Variants in VPS16 observed in about 807,000 individuals in gnomAD.
VPS16 encodes the protein vacuolar protein sorting-associated protein 16 homolog.
VPS16 carries 82 observed loss-of-function variants against 116.0 expected under a neutral mutation model. The observed-to-expected ratio is 0.71, with a 90% confidence interval of 0.59 to 0.85. VPS16 has a LOEUF of 0.85. VPS16 is among the 40% of genes least tolerant of loss of function. The probability of loss-of-function intolerance (pLI) is 0.00; values close to 1 mark genes in which losing one functional copy is unlikely to be tolerated. For missense variants in VPS16, 928 were observed against 1,090.6 expected (o/e 0.85, Z 2.10); for synonymous variants, 406 against 420.7 (o/e 0.96, Z 0.43).
At position 2,840,768 on chromosome 20, in the gene VPS16, A is replaced by G. The variant is rs765728758; in HGVS notation, c.-7A>G. 6 of 1,547,826 alleles carry G rather than the reference A, an allele frequency of 3.9e-6. No homozygotes were observed. Among genetic ancestry groups the G allele is most frequent in the Admixed American group, 2.0e-5 (1 of 50,964 alleles). On this transcript the variant is annotated 5_prime_UTR_variant, in exon 1 of 24. Transcript: ENST00000380445. ...TCGGTGCTTCCCAGCTGCCGTCTGC[A>G]CCAGCCATGGACTGCTACACGGCGA...
In VPS16 at chr20:2,863,260, C is replaced by T. The variant is rs780767036; in HGVS notation, c.1368-30C>T. The T allele has an allele frequency of 6.2e-7, 1 of 1,613,766 alleles. No homozygotes were observed. Among genetic ancestry groups the T allele is most frequent in the South Asian group, 1.1e-5 (1 of 91,070 alleles). On this transcript the variant is annotated intron_variant, in intron 14 of 23. Coordinates refer to ENST00000380445, the MANE Select transcript of VPS16 (RefSeq NM_022575.4). The surrounding 1 kb of genome is among the most constrained non-coding windows in gnomAD (Gnocchi z 4.4). ...GCTCCCTTTCTCCTCCACCTCACTC[C>T]TTGTATCCTTTACCCACCGGGTCTA...
In VPS16 at chr20:2,865,950, G is replaced by T; in HGVS notation, c.2272-262G>T. On this transcript the variant is annotated intron_variant, in intron 22 of 23. Coordinates refer to ENST00000380445, the MANE Select transcript of VPS16 (RefSeq NM_022575.4). This position sits in a 1 kb window ranked among gnomAD's most constrained non-coding sequence, Gnocchi z 5.2. The stretch of plus-strand genomic sequence containing the variant: ...CTGGTGGCAGGAACGCCTGTTGCAA[G>T]GGGTAATGGTGGGTGGTAGAGCAGA... 1 of 524,530 alleles carries T rather than the reference G, an allele frequency of 1.9e-6. No homozygotes were observed. The highest frequency in any genetic ancestry group is 3.4e-6 in the Non-Finnish European group (1 of 291,606). 32.5% of individuals were successfully genotyped at this position (524,530 alleles called of 1,614,324 possible).
rs1328473697 is a variant in VPS16, at chr20:2,860,023, C to G, written c.143-31C>G. 2.5e-6 allele frequency: 4 copies of G among 1,613,012 alleles called. No homozygotes were observed. The highest frequency in any genetic ancestry group is 3.4e-6 in the Non-Finnish European group (4 of 1,179,504). On this transcript the variant is annotated intron_variant, in intron 2 of 23. Transcript: ENST00000380445. The surrounding 1 kb of genome is among the most constrained non-coding windows in gnomAD (Gnocchi z 6.1). Reference sequence around the variant, plus strand: ...CTTCACATGGGGTGGGCCTAGGGAGCTAGGACAGAAGGTCTCTTCTCAAAC... The same window carrying G: ...CTTCACATGGGGTGGGCCTAGGGAGGTAGGACAGAAGGTCTCTTCTCAAAC...
chr20:2,849,374 C>T (rs1166568267), intron 1 of VPS16, among the ~76,000 whole-genome samples: 2 of 148,532 alleles, frequency 1.3e-5, no homozygotes, highest in African/African-American at 5.0e-5. Flanking sequence ...GATTTTGGCT[C>T]ACTGCAACCT....
chr20:2,854,908 T>A (rs1403071929), intron 1 of VPS16, among the ~76,000 whole-genome samples: 1 of 105,010 alleles, frequency 9.5e-6, no homozygotes, highest in African/African-American at 6.5e-5. Flanking sequence ...AATCTCCTTG[T>A]ACATCTCCAT....
At chr20:2,848,798 A>G (rs1412288090) in intron 1 of VPS16, among the ~76,000 whole-genome samples, 1 of 152,178 alleles carries the variant, frequency 6.6e-6, no homozygotes, top group Non-Finnish European at 1.5e-5. Flanking sequence ...GTGCTGGAAA[A>G]CACATTGCAG....
Position 2,866,412 on chromosome 20 carries a change from C to T in VPS16, c.2376-18C>T. ...TTGAGCAGCCCCAACACCACCTCCT[C>T]TCTTGCTCAAACCACAGCGATGTGG... On this transcript the variant is annotated intron_variant, in intron 23 of 23. Transcript: ENST00000380445. The T allele has an allele frequency of 1.2e-6, 2 of 1,614,186 alleles. No homozygotes were observed. Among genetic ancestry groups the T allele is most frequent in the Non-Finnish European group, 1.7e-6 (2 of 1,180,016 alleles).
Position 2,855,504 on chromosome 20 carries a change from GA to G in VPS16, c.54-4214del, listed in dbSNP as rs1476239270. The stretch of plus-strand genomic sequence containing the variant: ...CACTAGCTGCATTAGGCCCCAACAA[GA>G]GTGTCAGCCCTGTCCTTACACGCTT... On this transcript the variant is annotated intron_variant, in intron 1 of 23. Coordinates refer to ENST00000380445, the MANE Select transcript of VPS16 (RefSeq NM_022575.4). Among the ~76,000 whole-genome samples the G allele has an allele frequency of 6.7e-4, 28 of 42,102 alleles. No individual in the cohort carries two copies. The African/African-American group carries it at 0.014, about 21-fold the overall frequency. The allele number at this position is 42,102 out of a possible 152,430, so 27.6% of individuals were successfully genotyped here. A position where few individuals can be genotyped will look rare whatever the true frequency, so the allele number is the denominator to read the frequency against.
Position 2,840,754 on chromosome 20 carries a change from C to T in VPS16, c.-21C>T, listed in dbSNP as rs2297046. On this transcript the variant is annotated 5_prime_UTR_variant, in exon 1 of 24. Coordinates refer to ENST00000380445, the MANE Select transcript of VPS16 (RefSeq NM_022575.4). Reference sequence around the variant, plus strand: ...AGGTGGGTGTCCCCTCGGTGCTTCCCAGCTGCCGTCTGCACCAGCCATGGA... The same window carrying T: ...AGGTGGGTGTCCCCTCGGTGCTTCCTAGCTGCCGTCTGCACCAGCCATGGA... The T allele has an allele frequency of 0.06, 93,272 of 1,547,656 alleles. 3,124 individuals are homozygous for T. Among genetic ancestry groups the T allele is most frequent in the East Asian group, 0.1 (4,149 of 40,822 alleles).
rs146190082 is a variant in VPS16, at chr20:2,860,893, C to G, written c.630+30C>G. 1 of 1,613,890 alleles carries G rather than the reference C, an allele frequency of 6.2e-7. No individual in the cohort carries two copies. The highest frequency in any genetic ancestry group is 2.2e-5 in the East Asian group (1 of 44,894). On this transcript the variant is annotated intron_variant, in intron 6 of 23. Coordinates refer to ENST00000380445, the MANE Select transcript of VPS16 (RefSeq NM_022575.4). This position sits in a 1 kb window ranked among gnomAD's most constrained non-coding sequence, Gnocchi z 6.1. ...GGGCCCTGAGTGGGAATGAAGTGGACGGGCTGGGTTAGGCAATAGGGAGGT... is the reference window on the plus strand; with the variant it reads ...GGGCCCTGAGTGGGAATGAAGTGGAGGGGCTGGGTTAGGCAATAGGGAGGT...
intron 11 of VPS16, 97 bp downstream of exon 11, chr20:2,862,227 G>A (rs2089236756): frequency 1.4e-6 from 2 of 1,395,930 alleles, no homozygotes; most frequent in Non-Finnish European, 9.8e-7. Context: ...TCAAGAGAGG[G>A]GTCCAGGCAG....
At chr20:2,850,904 T>C (rs1267648090) in intron 1 of VPS16, among the ~76,000 whole-genome samples, 1 of 142,258 alleles carries the variant, frequency 7.0e-6, no homozygotes. Flanking sequence ...CCCTGGGAGG[T>C]CATGGCTACA....
intron 1 of VPS16, among the ~76,000 whole-genome samples, chr20:2,842,644 A>ATACATC (rs2088993215): frequency 8.6e-5 from 12 of 139,788 alleles, no homozygotes; most frequent in Non-Finnish European, 1.5e-4. Flanking sequence ...CTATAGATAG[A>ATACATC]TAGATATAGA....
At chr20:2,840,927 G>C (rs2088962647) in intron 1 of VPS16, 100 bp downstream of exon 1, 1 of 1,195,664 alleles carries the variant, frequency 8.4e-7, no homozygotes, top group Admixed American at 2.5e-5. Flanking sequence ...CTGGCGCTGG[G>C]GTCCGCCCCG....
chr20:2,861,349 C>T, intron 8 of VPS16, 69 bp downstream of exon 8: 1 of 1,606,122 alleles, frequency 6.2e-7, no homozygotes, highest in Non-Finnish European at 8.5e-7. Flanking sequence ...CAATCAGTTC[C>T]TTGATTCGTC....
chr20:2,861,730 T>G (rs1331231875), intron 9 of VPS16, 26 bp downstream of exon 9: 2 of 1,611,828 alleles, frequency 1.2e-6, no homozygotes, highest in South Asian at 2.2e-5. Flanking sequence ...TGCCTGTGTG[T>G]GGAGAGAGGG....
Position 2,840,835 on chromosome 20 carries a change from G to GGGGGCC in VPS16, c.53+8_53+9insGGGGCC. ...GGACTCTGCCTTTTACCGGTGAGCT[G>GGGGGCC]CCCCGCCCTCCCGCCCACGGCCTGG... On this transcript the variant is annotated intron_variant, in intron 1 of 23. Transcript: ENST00000380445. The GGGGGCC allele has an allele frequency of 6.6e-7, 1 of 1,524,324 alleles. No homozygotes were observed. Among genetic ancestry groups the GGGGGCC allele is most frequent in the Non-Finnish European group, 8.9e-7 (1 of 1,127,998 alleles). The allele number at this position is 1,524,324 out of a possible 1,614,324, so 94.4% of individuals were successfully genotyped here.
At chr20:2,858,744 C>T (rs142317394) in intron 1 of VPS16, among the ~76,000 whole-genome samples, 1 of 152,230 alleles carries the variant, frequency 6.6e-6, no homozygotes, top group East Asian at 1.9e-4. Context: ...TCCCATGCAG[C>T]ACACACTCAG....
chr20:2,842,767 TAGAC>T (rs2089005298), intron 1 of VPS16, among the ~76,000 whole-genome samples: 1 of 63,312 alleles, frequency 1.6e-5, no homozygotes, highest in Non-Finnish European at 4.0e-5. Context: ...TATCTATAGA[TAGAC>T]ATATAGATGT....
Sources: gnomAD v4.1 joint callset for allele counts (sites outside exome capture counted in the v4.1 genomes callset) on GRCh38, gnomAD v4.1.1 for gene constraint, Gnocchi (gnomAD v3.1) non-coding constraint, MANE v1.5 for transcripts, NCBI Gene and HGNC (gene_info 2026-07-23, HGNC 2026-07-21) for gene names.